Variants in NRG3 observed in about 807,000 individuals in gnomAD.
NRG3 encodes the protein neuregulin 3.
NRG3 carries 31 observed loss-of-function variants against 66.9 expected under a neutral mutation model. The observed-to-expected ratio is 0.46, with a 90% confidence interval of 0.35 to 0.63. The LOEUF is 0.63. Ranked by LOEUF, NRG3 falls within the 20% of genes least tolerant of loss-of-function variation. NRG3 has a pLI of 0.00. For synonymous variants in NRG3, 393 were observed against 359.4 expected, an observed-to-expected ratio of 1.09 and a Z score of -1.06; for missense variants, 910 against 878.9, an observed-to-expected ratio of 1.04 and a Z score of -0.45.
chr10:82,219,296 C>A (rs1537866), intron 1 of NRG3, among the ~76,000 whole-genome samples: 15,885 of 145,726 alleles, frequency 0.11, 973 homozygotes, highest in Middle Eastern at 0.18. Flanking sequence ...CTATGTGACC[C>A]CTCAAAAAAA....
intron 3 of NRG3, among the ~76,000 whole-genome samples, chr10:82,747,088 A>ATT (rs1439806827): frequency 6.6e-6 from 1 of 152,130 alleles, no homozygotes; most frequent in African/African-American, 2.4e-5. Context: ...TTCTCAATTA[A>ATT]TAACAACAAC....
intron 2 of NRG3, among the ~76,000 whole-genome samples, chr10:82,652,048 G>A (rs552041558): frequency 1.3e-5 from 2 of 152,338 alleles, no homozygotes; most frequent in African/African-American, 4.8e-5. Context: ...AGCTGCTTTG[G>A]CACCAGCAGG....
chr10:82,889,562 A>G (rs1842980338), intron 4 of NRG3, among the ~76,000 whole-genome samples: 1 of 152,232 alleles, frequency 6.6e-6, no homozygotes. Flanking sequence ...GATCACATGG[A>G]AATTCCAAAG....
At chr10:82,069,641 C>A (rs75818076) in intron 1 of NRG3, among the ~76,000 whole-genome samples, 1 of 151,946 alleles carries the variant, frequency 6.6e-6, no homozygotes, top group African/African-American at 2.4e-5. Flanking sequence ...TATTTGAATT[C>A]GTATTTATTT....
At chr10:82,250,919 C>T (rs942379760) in intron 1 of NRG3, among the ~76,000 whole-genome samples, 2 of 152,180 alleles carry the variant, frequency 1.3e-5, no homozygotes, top group Non-Finnish European at 2.9e-5. Context: ...CAGACAGATG[C>T]CAAGCTGCAT....
At chr10:81,909,828 A>G (rs1229986621) in intron 1 of NRG3, among the ~76,000 whole-genome samples, 2 of 152,174 alleles carry the variant, frequency 1.3e-5, no homozygotes, top group African/African-American at 4.8e-5. Flanking sequence ...TGGGAAATAG[A>G]TAATAAGACC....
intron 2 of NRG3, among the ~76,000 whole-genome samples, chr10:82,480,622 G>T (rs941584807): frequency 4.6e-5 from 7 of 152,136 alleles, no homozygotes; most frequent in Non-Finnish European, 8.8e-5. Context: ...ATTCAGGTCT[G>T]TTTGTGTTTT....
At chr10:82,264,576 G>C (rs982500155) in intron 1 of NRG3, among the ~76,000 whole-genome samples, 4 of 152,154 alleles carry the variant, frequency 2.6e-5, no homozygotes, top group Admixed American at 1.3e-4. Context: ...CACCAAAGGC[G>C]TATGTGTACA....
At chr10:82,012,503 C>T (rs1173125080) in intron 1 of NRG3, among the ~76,000 whole-genome samples, 3 of 152,176 alleles carry the variant, frequency 2.0e-5, no homozygotes, top group Non-Finnish European at 4.4e-5. Flanking sequence ...TTGAATTTCT[C>T]CTCAGAAAAT....
chr10:81,946,633 G>A (rs769010918), intron 1 of NRG3, among the ~76,000 whole-genome samples: 6 of 152,108 alleles, frequency 3.9e-5, no homozygotes, highest in Non-Finnish European at 8.8e-5. Context: ...GTCTATGTGT[G>A]TGTGTTTTAA....
chr10:82,306,794 G>A (rs1012055225), intron 1 of NRG3, among the ~76,000 whole-genome samples: 3 of 150,262 alleles, frequency 2.0e-5, no homozygotes, highest in Admixed American at 1.3e-4. Context: ...TGATGGGACA[G>A]GGAAGGGTTC....
chr10:82,703,560 T>C (rs2056060516), intron 2 of NRG3, among the ~76,000 whole-genome samples: 1 of 152,144 alleles, frequency 6.6e-6, no homozygotes, highest in Non-Finnish European at 1.5e-5. Context: ...TGAGCAATAA[T>C]GAAGGAAGAA....
chr10:82,020,820 T>C (rs569411483), intron 1 of NRG3, among the ~76,000 whole-genome samples: 1 of 152,258 alleles, frequency 6.6e-6, no homozygotes, highest in Non-Finnish European at 1.5e-5. Context: ...TAAATGTCAC[T>C]TCCAATCCGG....
chr10:82,594,580 T>A (rs985569065), intron 2 of NRG3, among the ~76,000 whole-genome samples: 5 of 152,214 alleles, frequency 3.3e-5, no homozygotes, highest in African/African-American at 1.2e-4. Flanking sequence ...TGCTTATAGA[T>A]ACTATAGCCA....
intron 3 of NRG3, among the ~76,000 whole-genome samples, chr10:82,783,984 A>G (rs2060231623): frequency 6.6e-6 from 1 of 152,004 alleles, no homozygotes; most frequent in Non-Finnish European, 1.5e-5. Flanking sequence ...TAACCAAAAC[A>G]GCATGGTACT....
Position 82,453,910 on chromosome 10 carries a change from A to G in NRG3, c.953+95042A>G, listed in dbSNP as rs1196118267. On this transcript the variant is annotated intron_variant, in intron 2 of 8. Coordinates refer to ENST00000372141, the MANE Select transcript of NRG3 (RefSeq NM_001010848.4). ...CACATGCTTTTCATGTGTCATTTTTACATGTCACAGAAATGCTATGGATAT... is the reference window on the plus strand; with the variant it reads ...CACATGCTTTTCATGTGTCATTTTTGCATGTCACAGAAATGCTATGGATAT... Among the ~76,000 whole-genome samples, 3 of 152,168 alleles carry G rather than the reference A, an allele frequency of 2.0e-5. No individual in the cohort carries two copies. The East Asian group carries it at 5.8e-4, about 29-fold the overall frequency.
Position 82,014,505 on chromosome 10 carries a change from C to T in NRG3, c.823+138342C>T, listed in dbSNP as rs142723163. On this transcript the variant is annotated intron_variant, in intron 1 of 8. Coordinates refer to ENST00000372141, the MANE Select transcript of NRG3 (RefSeq NM_001010848.4). The stretch of plus-strand genomic sequence containing the variant: ...GTGTATAGAGTTCTCATGGGCTAGG[C>T]ATTGTTTCAAGTGTCTTTTCTTGTG... 3.5e-3 allele frequency among the ~76,000 whole-genome samples: 539 copies of T among 152,298 alleles called. 4 individuals are homozygous for T. Among genetic ancestry groups the T allele is most frequent in the African/African-American group, 0.012 (514 of 41,572 alleles).
intron 1 of NRG3, among the ~76,000 whole-genome samples, chr10:82,340,136 G>A (rs937335274): frequency 6.6e-6 from 1 of 152,130 alleles, no homozygotes; most frequent in Non-Finnish European, 1.5e-5. Flanking sequence ...GGTGGTGGTT[G>A]GGGCTAGTGT....
At chr10:82,677,141 T>C (rs2053760350) in intron 2 of NRG3, among the ~76,000 whole-genome samples, 1 of 150,520 alleles carries the variant, frequency 6.6e-6, no homozygotes, top group Admixed American at 6.6e-5. Flanking sequence ...TTCACTACAA[T>C]CTCGGGCTCA....
Sources: allele counts gnomAD v4.1 joint callset (sites outside exome capture counted in the v4.1 genomes callset), GRCh38; gene constraint gnomAD v4.1.1; transcripts MANE v1.5; gene names NCBI Gene and HGNC (gene_info 2026-07-23, HGNC 2026-07-21).